The following TMEM214 variants were observed in gnomAD, a reference collection of about 807,000 sequenced individuals.
TMEM214 encodes transmembrane protein 214.
TMEM214 carries 71 observed loss-of-function variants against 89.8 expected under a neutral mutation model. The observed-to-expected ratio is 0.79, with a 90% CI of 0.65 to 0.96. The LOEUF is 0.96. Among genes scored for constraint, TMEM214 ranks in the 40% least tolerant of loss-of-function variants. The pLI is 0.00. For missense variants in TMEM214, 754 were observed against 843.4 expected (o/e 0.89, Z 1.31); for synonymous variants, 332 against 349.5 (o/e 0.95, Z 0.56).
At chr2:27,037,832 C>A in intron 9 of TMEM214, 130 bp downstream of exon 9, 2 of 1,587,186 alleles carry the variant, frequency 1.3e-6, no homozygotes, top group South Asian at 2.3e-5. Context: ...TTGACAGCTG[C>A]CTGCCCCGCT....
chr2:27,040,640 T>A (rs576162496), intron 16 of TMEM214, 71 bp from the exon 17 acceptor site: 1 of 1,598,432 alleles, frequency 6.3e-7, no homozygotes, highest in South Asian at 1.1e-5. Context: ...GTTGTGGGTC[T>A]AAGCTTTCAT....
Position 27,041,293 on chromosome 2 carries a change from A to C in TMEM214, c.*456A>C, listed in dbSNP as rs1667822528. 1 of 158,856 alleles carries C rather than the reference A, an allele frequency of 6.3e-6. No individual in the cohort carries two copies. The highest frequency in any genetic ancestry group is 2.4e-5 in the African/African-American group (1 of 41,562). The allele number at this position is 158,856 out of a possible 1,614,324, so 9.8% of individuals were successfully genotyped here. A position where few individuals can be genotyped will look rare whatever the true frequency, so the allele number is the denominator to read the frequency against. On this transcript the variant is annotated 3_prime_UTR_variant, in exon 17 of 17. Coordinates refer to ENST00000238788, the MANE Select transcript of TMEM214 (RefSeq NM_017727.5). ...TCTTGGTCACAGCTCTAGCCACAGCAGAAGGAAAGGGGCTTCCAGAAGAAT... is the reference window on the plus strand; with the variant it reads ...TCTTGGTCACAGCTCTAGCCACAGCCGAAGGAAAGGGGCTTCCAGAAGAAT...
In TMEM214 at chr2:27,035,223, G is replaced by C; in HGVS notation, c.440G>C (p.Ser147Thr). The change falls in exon 3 of 17, where the codon AGC (serine) becomes ACC (threonine). Residue 147 changes from serine to threonine, a missense_variant. Transcript: ENST00000238788. ...TCCATATGGTTGAAGGACCTGGCCA[G>C]CTATCTCAACTACAAGCTACAAGCT... ...NPSIWLKDLA[S>T]YLNYKLQAPL... is the part of the protein sequence containing the mutation. The C allele has an allele frequency of 6.2e-7, 1 of 1,614,216 alleles. No homozygotes were observed. Among genetic ancestry groups the C allele is most frequent in the Non-Finnish European group, 8.5e-7 (1 of 1,180,046 alleles).
Position 27,041,139 on chromosome 2 carries a change from TC to T in TMEM214, c.*304del. On this transcript the variant is annotated 3_prime_UTR_variant, in exon 17 of 17. Coordinates refer to ENST00000238788, the MANE Select transcript of TMEM214 (RefSeq NM_017727.5). The stretch of plus-strand genomic sequence containing the variant: ...CCGCCCTTGCCCTCTGCCTTCCACT[TC>T]CTTCCATCTCATTTCTAAACCCCAA... 3.1e-6 allele frequency: 1 copy of T among 322,420 alleles called. No homozygotes were observed. Among genetic ancestry groups the T allele is most frequent in the Non-Finnish European group, 5.9e-6 (1 of 170,932 alleles). The allele number at this position is 322,420 out of a possible 1,614,324, so 20.0% of individuals were successfully genotyped here.
intron 14 of TMEM214, 74 bp downstream of exon 14, chr2:27,039,911 C>A (rs981745102): frequency 3.1e-6 from 5 of 1,598,784 alleles, no homozygotes; most frequent in Admixed American, 3.3e-5. Context: ...AGGCGACAGT[C>A]AGTGGGAAGC....
intron 4 of TMEM214, 35 bp from the exon 5 acceptor site, chr2:27,035,935 A>C: frequency 6.2e-7 from 1 of 1,609,888 alleles, no homozygotes; most frequent in Non-Finnish European, 8.5e-7. Context: ...GATGCCAAAT[A>C]ATGTGAGTAG....
intron 13 of TMEM214, 110 bp from the exon 14 acceptor site, chr2:27,039,631 A>G: frequency 1.0e-6 from 1 of 968,024 alleles, no homozygotes; most frequent in Non-Finnish European, 1.7e-6. Flanking sequence ...CTGTGAGAAC[A>G]CAAAGCTCTG....
At chr2:27,033,932 C>CTAAGAG in intron 1 of TMEM214, 135 bp from the exon 2 acceptor site, 1 of 961,602 alleles carries the variant, frequency 1.0e-6, no homozygotes, top group South Asian at 1.6e-5. Flanking sequence ...CTTAAGCAGT[C>CTAAGAG]CAAGAGGAAG....
At position 27,040,162 on chromosome 2, in the gene TMEM214, G is replaced by A. The variant is rs771813793; in HGVS notation, c.1755G>A (p.Ala585=). The change falls in exon 15 of 17, where the codon GCG becomes GCA. Residue 585 remains alanine, a synonymous_variant. Transcript: ENST00000238788. ...CTGCCCACTGTGCCTCTCACCTTGC[G>A]TGGTTTGGTGACAGTCTCACCAGTC... is the stretch of plus-strand genomic sequence containing the variant. The part of the protein sequence containing the change: ...FLSAHCASHL[A]WFGDSLTSLS... The A allele has an allele frequency of 6.2e-6, 10 of 1,606,904 alleles. No individual in the cohort carries two copies. In the Admixed American group the frequency reaches 6.7e-5, roughly 11 times the overall value.
intron 16 of TMEM214, 94 bp downstream of exon 16, chr2:27,040,590 C>G (rs2148251030): frequency 6.3e-7 from 1 of 1,583,340 alleles, no homozygotes; most frequent in Non-Finnish European, 8.6e-7. Context: ...CCCACACTGT[C>G]CTGCCCCTCG....
intron 1 of TMEM214, among the ~76,000 whole-genome samples, chr2:27,033,379 AC>A (rs1204627433): frequency 1.3e-5 from 2 of 152,060 alleles, no homozygotes; most frequent in Non-Finnish European, 2.9e-5. Context: ...GAAGTTGGAT[AC>A]CTTGGCCAGG....
rs1229644555 is a variant in TMEM214 at position 27,041,026 on chromosome 2, TC to T, written c.*191del. 22 of 650,832 alleles carry T rather than the reference TC, an allele frequency of 3.4e-5. No homozygotes were observed. The highest frequency in any genetic ancestry group is 5.7e-5 in the Non-Finnish European group (22 of 387,608). The allele number at this position is 650,832 out of a possible 1,614,324, so 40.3% of individuals were successfully genotyped here. On this transcript the variant is annotated 3_prime_UTR_variant, in exon 17 of 17. Coordinates refer to ENST00000238788, the MANE Select transcript of TMEM214 (RefSeq NM_017727.5). ...GACAGGGCCCAGCAGCATCTCAGCC[TC>T]CTACCCACAATTCCACTGAACACTT...
chr2:27,038,919 C>T lies in TMEM214; in HGVS notation c.1407+104C>T. On this transcript the variant is annotated intron_variant, in intron 12 of 16. Transcript: ENST00000238788. This position sits in a 1 kb window ranked among gnomAD's most constrained non-coding sequence, Gnocchi z 4.4. ...CATTCCTGCCCCACCTGTCTGGAGC[C>T]CCCCGCTGCCTCCAGGATAATGTGA... The T allele has an allele frequency of 6.4e-6, 9 of 1,409,192 alleles. No individual in the cohort carries two copies. Among genetic ancestry groups the T allele is most frequent in the Non-Finnish European group, 9.0e-6 (9 of 1,001,842 alleles). The allele number at this position is 1,409,192 out of a possible 1,614,324, so 87.3% of individuals were successfully genotyped here.
chr2:27,038,924 G>T lies in TMEM214; in HGVS notation c.1407+109G>T. On this transcript the variant is annotated intron_variant, in intron 12 of 16. Transcript: ENST00000238788. This position sits in a 1 kb window ranked among gnomAD's most constrained non-coding sequence, Gnocchi z 4.4. ...CTGCCCCACCTGTCTGGAGCCCCCC[G>T]CTGCCTCCAGGATAATGTGAAGGCT... is the stretch of plus-strand genomic sequence containing the variant. 1.4e-6 allele frequency: 2 copies of T among 1,417,000 alleles called. No individual in the cohort carries two copies. The highest frequency in any genetic ancestry group is 9.9e-7 in the Non-Finnish European group (1 of 1,009,288). 87.8% of individuals were successfully genotyped at this position (1,417,000 alleles called of 1,614,324 possible).
intron 1 of TMEM214, 60 bp downstream of exon 1, chr2:27,033,226 C>T: frequency 8.1e-7 from 1 of 1,239,436 alleles, no homozygotes; most frequent in Non-Finnish European, 1.0e-6. Context: ...TCGCAGCGAG[C>T]GGCTCCCAGA....
intron 2 of TMEM214, chr2:27,034,741 G>A (rs550234214): frequency 3.9e-4 from 82 of 212,978 alleles, no homozygotes; most frequent in African/African-American, 1.6e-3. Flanking sequence ...CTGCCACCAC[G>A]CCTGGCTAAT....
chr2:27,039,682 T>C, intron 13 of TMEM214, 59 bp from the exon 14 acceptor site: 1 of 1,438,394 alleles, frequency 7.0e-7, no homozygotes, highest in Non-Finnish European at 9.8e-7. Flanking sequence ...CTGTAGTGTC[T>C]GTCTCCCCAG....
intron 15 of TMEM214, 53 bp downstream of exon 15, chr2:27,040,251 T>G: frequency 6.2e-7 from 1 of 1,606,334 alleles, no homozygotes; most frequent in South Asian, 1.1e-5. Flanking sequence ...AGGAGCAGAA[T>G]TCTGGGAAAG....
chr2:27,032,981 C>G lies in TMEM214; in HGVS notation c.-35C>G. 2 of 1,244,458 alleles carry G rather than the reference C, an allele frequency of 1.6e-6. No homozygotes were observed. The highest frequency in any genetic ancestry group is 2.0e-6 in the Non-Finnish European group (2 of 987,270). The allele number at this position is 1,244,458 out of a possible 1,614,324, so 77.1% of individuals were successfully genotyped here. ...GGCGCGCTCGCGCCGGACCGGAAAG[C>G]CGGGGAAGTGGCCGAGGAGGGAGGG... On this transcript the variant is annotated 5_prime_UTR_variant, in exon 1 of 17. Transcript: ENST00000238788.
Sources: gnomAD v4.1 joint callset for allele counts (sites outside exome capture counted in the v4.1 genomes callset) on GRCh38, gnomAD v4.1.1 for gene constraint, Gnocchi (gnomAD v3.1) non-coding constraint, MANE v1.5 for transcripts, NCBI Gene and HGNC (gene_info 2026-07-23, HGNC 2026-07-21) for gene names.